The following PCNT variants were observed in gnomAD, a reference collection of about 807,000 sequenced individuals.
PCNT encodes the protein pericentrin.
Under a neutral mutation model 380.4 loss-of-function variants are expected in PCNT, and 319 were observed. The observed-to-expected ratio is 0.84, with a 90% CI of 0.77 to 0.92. The LOEUF (loss-of-function observed/expected upper bound fraction) is 0.92, where lower values mean the gene tolerates loss of function less well. Among genes scored for constraint, PCNT ranks in the 40% least tolerant of loss-of-function variants. PCNT has a pLI of 0.00. For missense variants in PCNT, 4,400 were observed against 4,255.3 expected (o/e 1.03, Z -0.95); for synonymous variants, 1,845 against 1,735.2 (o/e 1.06, Z -1.57).
intron 17 of PCNT, among the ~76,000 whole-genome samples, chr21:46,387,479 G>T (rs1030910747): frequency 1.3e-5 from 2 of 152,116 alleles, no homozygotes; most frequent in African/African-American, 4.8e-5. Flanking sequence ...CACAAGGGGT[G>T]CAGAGGTGAG....
intron 37 of PCNT, chr21:46,430,895 C>G: frequency 3.0e-6 from 3 of 984,194 alleles, no homozygotes; most frequent in Non-Finnish European, 3.6e-6. Context: ...TGCTCGGAGC[C>G]CCCCCCCGTC....
At chr21:46,328,231 G>A (rs1773900680) in intron 2 of PCNT, among the ~76,000 whole-genome samples, 1 of 147,246 alleles carries the variant, frequency 6.8e-6, no homozygotes, top group South Asian at 2.1e-4. Context: ...TCTCTTGAGT[G>A]TTTTTGGTTG....
intron 6 of PCNT, chr21:46,348,101 G>GA: frequency 5.5e-6 from 1 of 181,192 alleles, no homozygotes; most frequent in Non-Finnish European, 1.2e-5. Context: ...GTTGTGTTCC[G>GA]GTCACCTGCT....
intron 35 of PCNT, among the ~76,000 whole-genome samples, chr21:46,429,202 C>G (rs917954180): frequency 6.6e-6 from 1 of 152,142 alleles, no homozygotes; most frequent in African/African-American, 2.4e-5. Context: ...CCTTTGTGCT[C>G]TCTGGGGCTG....
intron 15 of PCNT, among the ~76,000 whole-genome samples, chr21:46,373,431 CTTTT>C (rs35866515): frequency 8.6e-6 from 1 of 116,650 alleles, no homozygotes. Context: ...TGTCAATACT[CTTTT>C]TTTTTTTTTT....
chr21:46,347,489 G>C lies in PCNT; in HGVS notation c.1009G>C (p.Glu337Gln). ...ELKEKLQSEMEKNAQIVKTLK... is the reference protein window; with the variant it reads ...ELKEKLQSEMQKNAQIVKTLK... ...GAAGGAGAAGTTACAATCAGAAATG[G>C]AGAAAAACGCCCAGATAGTAAAGGT... is the stretch of plus-strand genomic sequence containing the variant. Residue 337 changes from glutamate (E) to glutamine (Q), a missense_variant, in exon 6 of 47, where the codon GAG becomes CAG. Coordinates refer to ENST00000359568, the MANE Select transcript of PCNT (RefSeq NM_006031.6). 6.2e-7 allele frequency: 1 copy of C among 1,613,844 alleles called. No homozygotes were observed. Among genetic ancestry groups the C allele is most frequent in the East Asian group, 2.2e-5 (1 of 44,864 alleles).
chr21:46,414,481 C>T (rs1361550266), intron 29 of PCNT, among the ~76,000 whole-genome samples: 1 of 96,388 alleles, frequency 1.0e-5, no homozygotes, highest in African/African-American at 4.4e-5. Flanking sequence ...CACACAGCCG[C>T]CCACTCTCCT....
chr21:46,445,445 C>T lies in PCNT; in HGVS notation c.*118C>T. Reference sequence around the variant, plus strand: ...CACTACTCTTCATGTGCGGTGACACCAGCCCCCAGATGCCTTGAATTAAGT... The same window carrying T: ...CACTACTCTTCATGTGCGGTGACACTAGCCCCCAGATGCCTTGAATTAAGT... On this transcript the variant is annotated 3_prime_UTR_variant, in exon 47 of 47. Transcript: ENST00000359568. 2 of 832,954 alleles carry T rather than the reference C, an allele frequency of 2.4e-6. No individual in the cohort carries two copies. The highest frequency in any genetic ancestry group is 4.3e-6 in the Non-Finnish European group (2 of 469,506). The allele number at this position is 832,954 out of a possible 1,614,324, so 51.6% of individuals were successfully genotyped here.
At chr21:46,383,812 G>A (rs1268730911) in intron 16 of PCNT, among the ~76,000 whole-genome samples, 12 of 120,774 alleles carry the variant, frequency 9.9e-5, no homozygotes, top group East Asian at 2.7e-4. Flanking sequence ...GCGCATTCAC[G>A]GTGTTGTGCG....
chr21:46,409,100 T>A (rs999416897), intron 27 of PCNT, among the ~76,000 whole-genome samples: 3 of 152,194 alleles, frequency 2.0e-5, no homozygotes, highest in African/African-American at 7.2e-5. Flanking sequence ...AACGCTTTTT[T>A]TTGATACATG....
chr21:46,429,958 T>A (rs899192057), intron 35 of PCNT, 52 bp from the exon 36 acceptor site: 5 of 1,464,734 alleles, frequency 3.4e-6, no homozygotes, highest in Non-Finnish European at 9.5e-7. Flanking sequence ...GTGTCACTTG[T>A]GCAGCACGAG....
intron 39 of PCNT, 29 bp downstream of exon 39, chr21:46,436,177 T>C (rs1372936277): frequency 5.0e-6 from 8 of 1,600,764 alleles, no homozygotes; most frequent in Non-Finnish European, 6.8e-6. Context: ...TGGCGCTCAC[T>C]GGTCCCTTGC....
At chr21:46,387,738 G>A (rs958528251) in intron 17 of PCNT, among the ~76,000 whole-genome samples, 1 of 152,212 alleles carries the variant, frequency 6.6e-6, no homozygotes, top group East Asian at 1.9e-4. Flanking sequence ...AGTCCTCATC[G>A]TCTGCTCCTC....
chr21:46,433,568 C>T (rs1202486934), intron 38 of PCNT, among the ~76,000 whole-genome samples: 1 of 152,102 alleles, frequency 6.6e-6, no homozygotes, highest in Non-Finnish European at 1.5e-5. Context: ...AAGAGCTCAT[C>T]CTTTGATGGA....
At chr21:46,430,925 G>A (rs1454219945) in intron 37 of PCNT, 7 of 985,378 alleles carry the variant, frequency 7.1e-6, no homozygotes, top group Non-Finnish European at 7.2e-6. Flanking sequence ...TTGCTGTGGA[G>A]ATGGACACAG....
intron 27 of PCNT, among the ~76,000 whole-genome samples, chr21:46,410,959 G>C (rs374827794): frequency 8.5e-5 from 13 of 152,366 alleles, no homozygotes; most frequent in African/African-American, 3.1e-4. Context: ...CTGCATTAGA[G>C]CTTCGTCCCA....
chr21:46,370,022 C>T (rs112592647), intron 15 of PCNT, among the ~76,000 whole-genome samples: 1 of 152,200 alleles, frequency 6.6e-6, no homozygotes, highest in African/African-American at 2.4e-5. Context: ...TGCAGGTGAG[C>T]AGCTCCACGT....
In PCNT at chr21:46,411,208, C is replaced by G. The variant is rs1008539872; in HGVS notation, c.5135C>G (p.Ser1712Cys). ...TSLKVIYTRS[S>C]EIEELKATIE... Reference sequence around the variant, plus strand: ...CTTCAGGTCATATATACCAGAAGTTCTGAGATTGAAGAGCTGAAAGCCACT... The same window carrying G: ...CTTCAGGTCATATATACCAGAAGTTGTGAGATTGAAGAGCTGAAAGCCACT... The change falls in exon 28 of 47, where the codon TCT becomes TGT. Residue 1712 changes from serine (S) to cysteine (C), a missense_variant. Transcript: ENST00000359568. 1 of 1,614,058 alleles carries G rather than the reference C, an allele frequency of 6.2e-7. No individual in the cohort carries two copies. The highest frequency in any genetic ancestry group is 8.5e-7 in the Non-Finnish European group (1 of 1,180,000).
chr21:46,410,315 T>G (rs2086746148), intron 27 of PCNT, among the ~76,000 whole-genome samples: 1 of 152,154 alleles, frequency 6.6e-6, no homozygotes, highest in South Asian at 2.1e-4. Flanking sequence ...TAGGCCAGAT[T>G]TGCATTTGAG....
Sources: gnomAD v4.1 joint callset for allele counts (sites outside exome capture counted in the v4.1 genomes callset) on GRCh38, gnomAD v4.1.1 for gene constraint, MANE v1.5 for transcripts, NCBI Gene and HGNC (gene_info 2026-07-23, HGNC 2026-07-21) for gene names.